TENM3: variants seen among roughly 807,000 people sequenced by gnomAD.
TENM3 encodes teneurin-3.
TENM3 carries 63 observed loss-of-function variants against 255.1 expected under a neutral mutation model. The ratio of observed to expected loss-of-function variants is 0.25; its 90% CI spans 0.20 to 0.30. The LOEUF is 0.30. Among genes scored for constraint, TENM3 ranks in the 10% least tolerant of loss-of-function variants. The probability of loss-of-function intolerance (pLI) is 1.00; values close to 1 mark genes in which losing one functional copy is unlikely to be tolerated. For synonymous variants in TENM3, 1,306 were observed against 1,322.3 expected, an observed-to-expected ratio of 0.99 and a Z score of 0.27; for missense variants, 2,929 against 3,461.1, an observed-to-expected ratio of 0.85 and a Z score of 3.86.
the TENM3 span, among the ~76,000 whole-genome samples, chr4:181,811,193 G>T: frequency 6.6e-6 from 1 of 152,110 alleles, no homozygotes; most frequent in Non-Finnish European, 1.5e-5. Context: ...AAAATTGAAA[G>T]GATCACTTGA....
intron 24 of TENM3, among the ~76,000 whole-genome samples, chr4:182,776,844 C>A (rs181631393): frequency 2.0e-5 from 3 of 152,146 alleles, no homozygotes; most frequent in Admixed American, 6.5e-5. Context: ...CTCAGCAAGA[C>A]GTTTTAGAAA....
intron 1 of TENM3, among the ~76,000 whole-genome samples, chr4:182,292,980 C>A (rs969587815): frequency 6.6e-6 from 1 of 152,182 alleles, no homozygotes; most frequent in Non-Finnish European, 1.5e-5. Context: ...GGGCATGGTG[C>A]CGTCTGGGAG....
At chr4:181,470,365 T>C in the TENM3 span, among the ~76,000 whole-genome samples, 2 of 152,332 alleles carry the variant, frequency 1.3e-5, no homozygotes, top group South Asian at 2.1e-4. Flanking sequence ...ACAAAACGTA[T>C]GTATAACTGG....
At chr4:181,767,116 G>A in the TENM3 span, among the ~76,000 whole-genome samples, 1 of 144,576 alleles carries the variant, frequency 6.9e-6, no homozygotes, top group Admixed American at 7.0e-5. Flanking sequence ...GCAGGGCGTG[G>A]TGGCGGGCGC....
intron 3 of TENM3, among the ~76,000 whole-genome samples, chr4:182,474,631 TA>T (rs1273416073): frequency 3.9e-5 from 6 of 152,198 alleles, no homozygotes; most frequent in African/African-American, 1.2e-4. Context: ...TTTAGAGGTT[TA>T]AAAGACCTGT....
chr4:181,794,275 G>C, the TENM3 span, among the ~76,000 whole-genome samples: 1 of 152,166 alleles, frequency 6.6e-6, no homozygotes, highest in Admixed American at 6.5e-5. Context: ...TTGTGATTGT[G>C]TGTGTGTGTA....
At chr4:181,620,633 G>A in the TENM3 span, among the ~76,000 whole-genome samples, 4 of 148,852 alleles carry the variant, frequency 2.7e-5, no homozygotes, top group Non-Finnish European at 4.4e-5. Flanking sequence ...GAAAGCCTAC[G>A]TGAGGAGAAA....
chr4:181,896,338 G>T, the TENM3 span, among the ~76,000 whole-genome samples: 15 of 152,234 alleles, frequency 9.9e-5, no homozygotes, highest in Admixed American at 9.2e-4. Context: ...CCTATGAAAT[G>T]AAAGTGTTGA....
chr4:182,246,345 G>GCCCCCCCCCCCCCCCCCCC (rs142338490), intron 1 of TENM3, among the ~76,000 whole-genome samples: 2 of 149,474 alleles, frequency 1.3e-5, no homozygotes, highest in Non-Finnish European at 3.0e-5. Flanking sequence ...TTCGCTATGA[G>GCCCCCCCCCCCCCCCCCCC]CCCCCACCCC....
chr4:181,794,665 C>CGTGT, the TENM3 span, among the ~76,000 whole-genome samples: 2 of 52,814 alleles, frequency 3.8e-5, no homozygotes, highest in Admixed American at 2.4e-4. Context: ...GAATAATATC[C>CGTGT]CTGTGTGTGT....
At chr4:182,138,373 T>G in the TENM3 span, among the ~76,000 whole-genome samples, 9,627 of 152,258 alleles carry the variant, frequency 0.063, 385 homozygotes, top group East Asian at 0.14. Context: ...ATAGCTCAAT[T>G]TAACCCAGGT....
At chr4:182,700,690 G>T (rs1757782984) in intron 12 of TENM3, among the ~76,000 whole-genome samples, 2 of 152,188 alleles carry the variant, frequency 1.3e-5, no homozygotes, top group African/African-American at 4.8e-5. Context: ...CCATAAATTT[G>T]AATACTTTGC....
At chr4:182,343,034 A>T (rs1044249220) in intron 2 of TENM3, among the ~76,000 whole-genome samples, 1 of 152,206 alleles carries the variant, frequency 6.6e-6, no homozygotes, top group Non-Finnish European at 1.5e-5. Context: ...TTGTCCTTAC[A>T]CCATCCTTTC....
intron 1 of TENM3, among the ~76,000 whole-genome samples, chr4:182,195,238 G>C (rs967121281): frequency 6.6e-6 from 1 of 152,094 alleles, no homozygotes; most frequent in Non-Finnish European, 1.5e-5. Flanking sequence ...CCCCCAAAAC[G>C]TGCCTGTTAT....
chr4:181,961,175 T>C, the TENM3 span, among the ~76,000 whole-genome samples: 1,726 of 148,700 alleles, frequency 0.012, 36 homozygotes, highest in African/African-American at 0.043. Context: ...TGATGCTTGC[T>C]GTCAACTTGT....
intron 3 of TENM3, among the ~76,000 whole-genome samples, chr4:182,552,269 C>T (rs757766665): frequency 2.4e-4 from 37 of 152,050 alleles, no homozygotes; most frequent in Non-Finnish European, 4.6e-4. Flanking sequence ...ATGCCCTCCC[C>T]GCCACCATCT....
chr4:181,601,338 G>A, the TENM3 span, among the ~76,000 whole-genome samples: 2 of 151,970 alleles, frequency 1.3e-5, no homozygotes, highest in East Asian at 3.9e-4. Flanking sequence ...AAATACCACT[G>A]TCTGGGTGAC....
chr4:181,666,655 A>C, the TENM3 span, among the ~76,000 whole-genome samples: 1 of 152,090 alleles, frequency 6.6e-6, no homozygotes, highest in African/African-American at 2.4e-5. Flanking sequence ...TATTATTAAA[A>C]CTCAACAGTA....
chr4:182,650,442 C>T (rs1219382398), intron 5 of TENM3, among the ~76,000 whole-genome samples: 1 of 150,452 alleles, frequency 6.6e-6, no homozygotes, highest in Non-Finnish European at 1.5e-5. Context: ...CATTGAAGAA[C>T]TGGACTTACC....
Sources: allele counts gnomAD v4.1 joint callset (sites outside exome capture counted in the v4.1 genomes callset), GRCh38; gene constraint gnomAD v4.1.1; transcripts MANE v1.5; gene names NCBI Gene and HGNC (gene_info 2026-07-23, HGNC 2026-07-21).